Variants in EBF4 observed in about 807,000 individuals in gnomAD.
EBF4 encodes transcription factor COE4.
EBF4 carries 34 observed loss-of-function variants against 67.1 expected under a neutral mutation model. That is an observed-to-expected ratio of 0.51 (90% CI 0.39 to 0.67). The LOEUF is 0.67. EBF4 is among the 30% of genes least tolerant of loss of function. The probability of loss-of-function intolerance (pLI) is 0.00; values close to 1 mark genes in which losing one functional copy is unlikely to be tolerated. For synonymous variants in EBF4, 387 were observed against 377.7 expected, an observed-to-expected ratio of 1.02 and a Z score of -0.29; for missense variants, 837 against 873.3, an observed-to-expected ratio of 0.96 and a Z score of 0.52.
intron 1 of EBF4, among the ~76,000 whole-genome samples, chr20:2,694,244 G>A (rs2087255715): frequency 6.6e-6 from 1 of 152,234 alleles, no homozygotes; most frequent in South Asian, 2.1e-4. Context: ...CAGAGTTGGC[G>A]GATGGGGGTG....
chr20:2,740,352 A>G (rs2087949777), intron 6 of EBF4, among the ~76,000 whole-genome samples: 1 of 152,228 alleles, frequency 6.6e-6, no homozygotes, highest in South Asian at 2.1e-4. Context: ...ATGAAATAAA[A>G]TTCAGTTCCT....
intron 6 of EBF4, among the ~76,000 whole-genome samples, chr20:2,740,587 G>C (rs1044197624): frequency 6.6e-6 from 1 of 152,148 alleles, no homozygotes; most frequent in Non-Finnish European, 1.5e-5. Flanking sequence ...GTATCTCATG[G>C]GGATGCAGGG....
chr20:2,757,687 G>T (rs991413071), intron 15 of EBF4, among the ~76,000 whole-genome samples: 1 of 152,172 alleles, frequency 6.6e-6, no homozygotes, highest in Non-Finnish European at 1.5e-5. Flanking sequence ...TGGCTCACAC[G>T]TGTAATCCTA....
chr20:2,743,582 C>T (rs6037393), intron 6 of EBF4, among the ~76,000 whole-genome samples: 4 of 151,848 alleles, frequency 2.6e-5, no homozygotes, highest in African/African-American at 9.7e-5. Context: ...GATACATGTG[C>T]GAGTGTGTGA....
exon 9 of EBF4, chr20:2,749,659 G>T: frequency 6.4e-7 from 1 of 1,567,276 alleles, no homozygotes; most frequent in Non-Finnish European, 8.6e-7. Context: ...CCCGGGGAGG[G>T]CTGGACCACG....
chr20:2,745,744 G>A lies in EBF4; in HGVS notation c.558-2805G>A, dbSNP rs750187916. On this transcript the variant is annotated intron_variant, in intron 6 of 16. Transcript: ENST00000609451. This position sits in a 1 kb window ranked among gnomAD's most constrained non-coding sequence, Gnocchi z 5.2. The stretch of plus-strand genomic sequence containing the variant: ...GAAGGTGTCACGGCAGCCGTCAATC[G>A]CTACTCTCCCTTCATGGGTGTGGAA... Among the ~76,000 whole-genome samples the A allele has an allele frequency of 2.0e-5, 3 of 152,148 alleles. No homozygotes were observed. The highest frequency in any genetic ancestry group is 1.9e-4 in the East Asian group (1 of 5,186).
intron 2 of EBF4, 42 bp downstream of exon 2, chr20:2,705,775 G>C (rs2087445469): frequency 6.7e-7 from 1 of 1,483,508 alleles, no homozygotes; most frequent in African/African-American, 1.4e-5. Flanking sequence ...CCCCGGGAGG[G>C]AACCCCCAAC....
Position 2,752,557 on chromosome 20 carries a change from C to T in EBF4, c.1540+12C>T, listed in dbSNP as rs2088172357. ...CTCGCCCTTCGCCAGTGAGTGTCCC[C>T]CGCCCGCGAGGGAAGGTCTGGGGCC... On this transcript the variant is annotated intron_variant, in intron 14 of 16. Transcript: ENST00000609451. 2 of 1,236,182 alleles carry T rather than the reference C, an allele frequency of 1.6e-6. No individual in the cohort carries two copies. Among genetic ancestry groups the T allele is most frequent in the Non-Finnish European group, 2.0e-6 (2 of 987,128 alleles). 76.6% of individuals were successfully genotyped at this position (1,236,182 alleles called of 1,614,324 possible). A position where few individuals can be genotyped will look rare whatever the true frequency, so the allele number is the denominator to read the frequency against.
intron 6 of EBF4, among the ~76,000 whole-genome samples, chr20:2,715,199 A>G (rs1208099058): frequency 6.6e-6 from 1 of 152,120 alleles, no homozygotes; most frequent in African/African-American, 2.4e-5. Flanking sequence ...AATTCATCAC[A>G]GATTGCATAA....
intron 6 of EBF4, 111 bp downstream of exon 6, chr20:2,709,753 G>A (rs2087515079): frequency 1.7e-6 from 2 of 1,156,366 alleles, no homozygotes; most frequent in Admixed American, 3.0e-5. Flanking sequence ...GCCCCCCCGG[G>A]GCACCAGGTT....
exon 9 of EBF4, chr20:2,749,626 C>T (rs1464775323): frequency 1.9e-6 from 3 of 1,558,164 alleles, no homozygotes; most frequent in African/African-American, 2.7e-5. Flanking sequence ...CCAGCTGCCA[C>T]CCCCTGCATC....
rs1408034862 is a variant in EBF4, at chr20:2,739,504, CTGAG to C, written c.558-9043_558-9040del. 6.6e-6 allele frequency among the ~76,000 whole-genome samples: 1 copy of C among 152,204 alleles called. No homozygotes were observed. Among genetic ancestry groups the C allele is most frequent in the African/African-American group, 2.4e-5 (1 of 41,448 alleles). ...CTGCCGTGCCCACCACTCTGTCTTC[CTGAG>C]TTTCTCTTTCCTGTTGGGTTGTAAT... On this transcript the variant is annotated intron_variant, in intron 6 of 16. Coordinates refer to ENST00000609451, the Ensembl canonical transcript of EBF4. The surrounding 1 kb of genome is among the most constrained non-coding windows in gnomAD (Gnocchi z 4.5).
intron 10 of EBF4, 149 bp downstream of exon 10, chr20:2,750,122 A>G: frequency 8.5e-7 from 1 of 1,182,702 alleles, no homozygotes; most frequent in Non-Finnish European, 1.1e-6. Context: ...TTAACCACCT[A>G]TGCCTGTGAT....
At chr20:2,742,641 G>C (rs1483681002) in intron 6 of EBF4, among the ~76,000 whole-genome samples, 1 of 152,126 alleles carries the variant, frequency 6.6e-6, no homozygotes, top group Non-Finnish European at 1.5e-5. Flanking sequence ...CCTCCATGGG[G>C]ATCCTCAGGT....
intron 6 of EBF4, among the ~76,000 whole-genome samples, chr20:2,716,225 A>C (rs1483983145): frequency 4.0e-5 from 6 of 150,860 alleles, no homozygotes; most frequent in Non-Finnish European, 7.4e-5. Flanking sequence ...TGTCTTAAAA[A>C]AAAAAAAAAA....
intron 6 of EBF4, among the ~76,000 whole-genome samples, chr20:2,710,819 T>C (rs2087533208): frequency 6.6e-6 from 1 of 152,192 alleles, no homozygotes; most frequent in South Asian, 2.1e-4. Flanking sequence ...ATATGTTCTT[T>C]TTGTACCCTT....
chr20:2,748,443 C>A, intron 6 of EBF4, 106 bp from the exon 7 acceptor site: 1 of 1,066,098 alleles, frequency 9.4e-7, no homozygotes, highest in Non-Finnish European at 1.4e-6. Flanking sequence ...TGGGAGCAGG[C>A]AGAGGGGACT....
chr20:2,696,797 C>T lies in EBF4; in HGVS notation c.137+3015C>T, dbSNP rs1212434153. On this transcript the variant is annotated intron_variant, in intron 1 of 16. Coordinates refer to ENST00000609451, the Ensembl canonical transcript of EBF4. This position sits in a 1 kb window ranked among gnomAD's most constrained non-coding sequence, Gnocchi z 4.7. ...CTCTTTCTGTGCCCTCCCACCCTGC[C>T]CACGGGAGTGGCTTTAATGCTGCCT... Among the ~76,000 whole-genome samples the T allele has an allele frequency of 1.3e-5, 2 of 152,184 alleles. No individual in the cohort carries two copies. The highest frequency in any genetic ancestry group is 2.9e-5 in the Non-Finnish European group (2 of 68,026).
intron 1 of EBF4, among the ~76,000 whole-genome samples, chr20:2,694,795 GAC>G (rs2087264726): frequency 6.6e-6 from 1 of 152,108 alleles, no homozygotes; most frequent in Admixed American, 6.5e-5. Flanking sequence ...CCGTGTAACA[GAC>G]ACACACCGCG....
Sources: allele counts gnomAD v4.1 joint callset (sites outside exome capture counted in the v4.1 genomes callset), GRCh38; gene constraint gnomAD v4.1.1; non-coding constraint Gnocchi (gnomAD v3.1); transcripts MANE v1.5; gene names NCBI Gene and HGNC (gene_info 2026-07-23, HGNC 2026-07-21).